Variants in SAMMSON observed in about 807,000 individuals in gnomAD.
SAMMSON encodes the protein survival associated mitochondrial melanoma specific oncogenic non-coding RNA, also known as long intergenic non-protein coding RNA 1212.
At chr3:70,153,694 T>A (rs1345322864) in intron 4 of SAMMSON, among the ~76,000 whole-genome samples, 1 of 152,068 alleles carries the variant, frequency 6.6e-6, no homozygotes, top group Non-Finnish European at 1.5e-5. Context: ...ACATTCTTTT[T>A]ACTATGGTAA....
chr3:70,183,581 A>G (rs1701070251), intron 4 of SAMMSON: 1 of 152,200 alleles, frequency 6.6e-6, no homozygotes, highest in African/African-American at 2.4e-5. Flanking sequence ...CTAATTATTT[A>G]ATTTGGAAGT....
chr3:70,197,262 C>G (rs1701191428), intron 4 of SAMMSON: 2 of 397,690 alleles, frequency 5.0e-6, no homozygotes, highest in Non-Finnish European at 8.9e-6. Flanking sequence ...TGCTGGGATA[C>G]TTGATAACTT....
At chr3:70,233,188 G>A (rs1701577691) in intron 4 of SAMMSON, among the ~76,000 whole-genome samples, 2 of 152,136 alleles carry the variant, frequency 1.3e-5, no homozygotes, top group South Asian at 4.1e-4. Flanking sequence ...CAGAGTTTGG[G>A]TACTAAAAGC....
At chr3:70,005,411 A>G (rs1011512706) in intron 1 of SAMMSON, among the ~76,000 whole-genome samples, 2 of 152,112 alleles carry the variant, frequency 1.3e-5, no homozygotes, top group African/African-American at 4.8e-5. Context: ...CTTGTCCCAC[A>G]TTGCATCTCT....
chr3:70,386,719 G>A (rs905647940), intron 9 of SAMMSON, among the ~76,000 whole-genome samples: 2 of 152,082 alleles, frequency 1.3e-5, no homozygotes, highest in Admixed American at 1.3e-4. Flanking sequence ...AGTTCCAGGG[G>A]AGGTACATGA....
At chr3:70,418,156 T>C (rs1701280470) in intron 2 of SAMMSON, among the ~76,000 whole-genome samples, 1 of 152,220 alleles carries the variant, frequency 6.6e-6, no homozygotes. Flanking sequence ...GCCTCTACTT[T>C]TCCCTTTCAG....
At chr3:70,340,399 A>ATATAT (rs61631789) in intron 7 of SAMMSON, among the ~76,000 whole-genome samples, 4,698 of 151,122 alleles carry the variant, frequency 0.031, 82 homozygotes, top group Middle Eastern at 0.082. Context: ...TATATATATA[A>ATATAT]AAAAAGCAGG....
Position 70,336,814 on chromosome 3 carries a change from TTGTGTGTGTGTGTG to T in SAMMSON, n.740-17330_740-17317del, listed in dbSNP as rs71126494. Among the ~76,000 whole-genome samples, 210 of 126,666 alleles carry T rather than the reference TTGTGTGTGTGTGTG, an allele frequency of 1.7e-3. 1 individual carries two copies. The highest frequency in any genetic ancestry group is 4.8e-3 in the African/African-American group (164 of 33,854). The allele number at this position is 126,666 out of a possible 152,430, so 83.1% of individuals were successfully genotyped here. A position where few individuals can be genotyped will look rare whatever the true frequency, so the allele number is the denominator to read the frequency against. ...AGAAGAGTTAAACATAATAGAAAGT[TTGTGTGTGTGTGTG>T]TGTGTGTGTGTGTGTGTGTGTGTGT... On this transcript the variant is annotated intron_variant and non_coding_transcript_variant, in intron 7 of 9. Coordinates refer to ENST00000642114, the Ensembl canonical transcript of SAMMSON.
intron 7 of SAMMSON, among the ~76,000 whole-genome samples, chr3:70,333,204 C>T (rs888140044): frequency 4.6e-5 from 7 of 152,072 alleles, no homozygotes; most frequent in African/African-American, 1.4e-4. Flanking sequence ...GAGCCTGTTT[C>T]ACACTTTGGA....
intron 2 of SAMMSON, among the ~76,000 whole-genome samples, chr3:70,430,728 G>C (rs1391279356): frequency 6.6e-6 from 1 of 152,044 alleles, no homozygotes; most frequent in Non-Finnish European, 1.5e-5. Context: ...CATAAATTGA[G>C]ACAAGATCAA....
intron 3 of SAMMSON, chr3:70,069,452 A>G (rs1371799116): frequency 2.0e-5 from 3 of 152,130 alleles, no homozygotes; most frequent in African/African-American, 7.2e-5. Flanking sequence ...ATGTGAAAAG[A>G]GCAACACTCA....
chr3:70,252,953 G>A (rs1271361367), intron 6 of SAMMSON, among the ~76,000 whole-genome samples: 6 of 151,878 alleles, frequency 4.0e-5, no homozygotes, highest in Admixed American at 1.3e-4. Context: ...GGTGGCAGGC[G>A]CCTGTAATTC....
intron 4 of SAMMSON, among the ~76,000 whole-genome samples, chr3:70,180,739 C>A (rs2106705218): frequency 6.6e-6 from 1 of 152,310 alleles, no homozygotes; most frequent in African/African-American, 2.4e-5. Context: ...TCTGGGCCAA[C>A]AATGGGATAT....
intron 4 of SAMMSON, among the ~76,000 whole-genome samples, chr3:70,094,245 A>T (rs2067315944): frequency 6.6e-6 from 1 of 152,162 alleles, no homozygotes. Flanking sequence ...CACCACCAGG[A>T]TCTCATCTAA....
intron 9 of SAMMSON, among the ~76,000 whole-genome samples, chr3:70,387,590 G>C (rs1703132511): frequency 6.6e-6 from 1 of 151,980 alleles, no homozygotes; most frequent in South Asian, 2.1e-4. Flanking sequence ...TTCATTTTCA[G>C]CTATTATGAT....
chr3:70,177,003 G>C (rs748772908), intron 4 of SAMMSON, among the ~76,000 whole-genome samples: 18 of 152,122 alleles, frequency 1.2e-4, no homozygotes, highest in Admixed American at 2.0e-4. Flanking sequence ...AAGAGCTAAG[G>C]ACGAAAACTT....
chr3:70,028,718 G>A (rs1425521558), intron 3 of SAMMSON, among the ~76,000 whole-genome samples: 2 of 152,148 alleles, frequency 1.3e-5, no homozygotes, highest in Non-Finnish European at 2.9e-5. Flanking sequence ...CTTAGTCTAG[G>A]GGATGAAGCC....
chr3:70,237,936 A>T lies in SAMMSON; in HGVS notation n.508-11171A>T, dbSNP rs1229306136. Among the ~76,000 whole-genome samples the T allele has an allele frequency of 2.8e-5, 4 of 145,438 alleles. No homozygotes were observed. In the East Asian group the frequency reaches 8.6e-4, roughly 31 times the overall value. ...CCAAGAGGATTTAGAATTGAGGTGG[A>T]TAATCCTAAAAGAGAAGGGAAAAGA... On this transcript the variant is annotated intron_variant and non_coding_transcript_variant, in intron 4 of 9. Coordinates refer to ENST00000642114, the Ensembl canonical transcript of SAMMSON.
intron 3 of SAMMSON, among the ~76,000 whole-genome samples, chr3:70,026,346 T>C (rs893777841): frequency 2.0e-5 from 3 of 152,188 alleles, no homozygotes; most frequent in African/African-American, 7.2e-5. Context: ...TAATTTATTT[T>C]ATTCATTTTT....
Sources: gnomAD v4.1 joint callset for allele counts (sites outside exome capture counted in the v4.1 genomes callset) on GRCh38, gnomAD v4.1.1 for gene constraint, MANE v1.5 for transcripts, NCBI Gene and HGNC (gene_info 2026-07-23, HGNC 2026-07-21) for gene names.